The following RUNX1 variants were observed in gnomAD, a reference collection of about 807,000 sequenced individuals.
The protein encoded by RUNX1 is RUNX family transcription factor 1.
In RUNX1, 19 loss-of-function variants were observed where a neutral mutation model predicts 42.8. That is an observed-to-expected ratio of 0.44 (90% CI 0.31 to 0.65). The LOEUF is 0.65. Among genes scored for constraint, RUNX1 ranks in the 30% least tolerant of loss-of-function variants. The pLI is 0.07. For missense variants in RUNX1, 528 were observed against 672.0 expected, an observed-to-expected ratio of 0.79 and a Z score of 2.37; for synonymous variants, 271 against 289.4, an observed-to-expected ratio of 0.94 and a Z score of 0.64.
chr21:34,857,401 G>GT (rs918769683), intron 6 of RUNX1, among the ~76,000 whole-genome samples: 21 of 152,280 alleles, frequency 1.4e-4, no homozygotes, highest in African/African-American at 5.1e-4. Flanking sequence ...GCCACCATTT[G>GT]TTTTCTGAAG....
chr21:34,970,990 T>C (rs762781619), intron 2 of RUNX1, among the ~76,000 whole-genome samples: 36 of 152,328 alleles, frequency 2.4e-4, no homozygotes, highest in East Asian at 5.8e-4. Context: ...CTATCGCCCA[T>C]TTGATCCTCA....
chr21:34,910,788 CTT>C (rs113766536), intron 2 of RUNX1, among the ~76,000 whole-genome samples: 1 of 146,912 alleles, frequency 6.8e-6, no homozygotes, highest in African/African-American at 2.5e-5. Context: ...TATTGTTGTT[CTT>C]TTTTTTTTTG....
At chr21:34,849,437 A>C (rs2057382662) in intron 6 of RUNX1, among the ~76,000 whole-genome samples, 1 of 73,106 alleles carries the variant, frequency 1.4e-5, no homozygotes, top group South Asian at 3.5e-4. Context: ...TATATATTAT[A>C]TATATACTAT....
intron 2 of RUNX1, among the ~76,000 whole-genome samples, chr21:35,019,179 C>T (rs1283197296): frequency 6.6e-6 from 1 of 152,234 alleles, no homozygotes; most frequent in Non-Finnish European, 1.5e-5. Flanking sequence ...GTGATCCACT[C>T]ATCGTCCTCA....
chr21:34,796,838 A>G (rs1157616057), intron 8 of RUNX1, among the ~76,000 whole-genome samples: 2 of 151,968 alleles, frequency 1.3e-5, no homozygotes, highest in Non-Finnish European at 2.9e-5. Flanking sequence ...CTAGATGACA[A>G]CTCTTTTCAG....
At chr21:35,036,359 C>T (rs958725908) in intron 2 of RUNX1, among the ~76,000 whole-genome samples, 17 of 152,074 alleles carry the variant, frequency 1.1e-4, no homozygotes, top group Admixed American at 2.6e-4. Flanking sequence ...GCAGAGCAGC[C>T]GTGAGAGGCT....
intron 7 of RUNX1, among the ~76,000 whole-genome samples, chr21:34,832,109 T>C (rs1212177352): frequency 1.3e-5 from 2 of 152,210 alleles, no homozygotes; most frequent in Non-Finnish European, 2.9e-5. Flanking sequence ...GAGTTATGAT[T>C]TCTTAAATGT....
chr21:35,036,572 GA>G (rs1423799048), intron 2 of RUNX1, among the ~76,000 whole-genome samples: 7 of 152,124 alleles, frequency 4.6e-5, no homozygotes, highest in African/African-American at 1.7e-4. Flanking sequence ...GGTGAAGGGG[GA>G]AAAGAAGGGG....
chr21:35,000,491 C>T (rs1254726404), intron 2 of RUNX1, among the ~76,000 whole-genome samples: 10 of 152,072 alleles, frequency 6.6e-5, no homozygotes, highest in East Asian at 1.9e-4. Context: ...CTGCCCACCT[C>T]GGCCTCCCAA....
chr21:34,789,886 T>C lies in RUNX1; in HGVS notation c.*2249A>G, dbSNP rs953304149. Reference sequence around the variant, plus strand: ...AAACTGAAAAACATAATTTTTTCCTTCATTTTTCTCCAGCATTTTTGCAGG... The same window carrying C: ...AAACTGAAAAACATAATTTTTTCCTCCATTTTTCTCCAGCATTTTTGCAGG... On this transcript the variant is annotated 3_prime_UTR_variant, in exon 9 of 9. Transcript: ENST00000675419. 1 of 233,152 alleles carries C rather than the reference T, an allele frequency of 4.3e-6. No individual in the cohort carries two copies. The highest frequency in any genetic ancestry group is 2.2e-5 in the African/African-American group (1 of 45,344). 14.4% of individuals were successfully genotyped at this position (233,152 alleles called of 1,614,324 possible).
intron 7 of RUNX1, among the ~76,000 whole-genome samples, chr21:34,806,331 AGC>A (rs2056679177): frequency 6.6e-6 from 1 of 152,218 alleles, no homozygotes; most frequent in South Asian, 2.1e-4. Context: ...AAGCCAGAGC[AGC>A]GATGTTAATT....
chr21:34,906,385 G>A (rs1452813514), intron 2 of RUNX1, among the ~76,000 whole-genome samples: 1 of 152,180 alleles, frequency 6.6e-6, no homozygotes, highest in Non-Finnish European at 1.5e-5. Flanking sequence ...TGCTAATAGG[G>A]TTATAACAAC....
In RUNX1 at chr21:34,788,555, A is replaced by C. The variant is rs373937576; in HGVS notation, c.*3580T>G. 3.1e-4 allele frequency: 72 copies of C among 233,078 alleles called. No individual in the cohort carries two copies. The highest frequency in any genetic ancestry group is 2.2e-4 in the African/African-American group (10 of 45,328). The allele number at this position is 233,078 out of a possible 1,614,324, so 14.4% of individuals were successfully genotyped here. On this transcript the variant is annotated 3_prime_UTR_variant, in exon 9 of 9. Transcript: ENST00000675419. The stretch of plus-strand genomic sequence containing the variant: ...GAAAAAGTCCTTAGAAACACACACA[A>C]AAAAATTGAAAAAAAGTTATAGGCA...
intron 2 of RUNX1, among the ~76,000 whole-genome samples, chr21:34,975,006 T>A (rs1302041565): frequency 6.6e-6 from 1 of 152,058 alleles, no homozygotes; most frequent in Non-Finnish European, 1.5e-5. Flanking sequence ...ATTGCCCATA[T>A]GCTAAAAGAG....
chr21:34,928,967 G>T (rs1235029827), intron 2 of RUNX1, among the ~76,000 whole-genome samples: 1 of 148,764 alleles, frequency 6.7e-6, no homozygotes, highest in African/African-American at 2.5e-5. Context: ...TTTTTGGGGG[G>T]GGGGGTAGAT....
chr21:35,015,673 G>C (rs1356005326), intron 2 of RUNX1, among the ~76,000 whole-genome samples: 1 of 152,218 alleles, frequency 6.6e-6, no homozygotes, highest in African/African-American at 2.4e-5. Flanking sequence ...ATAGGAAGGA[G>C]GAAGCAAAGG....
At chr21:34,890,372 A>C (rs2058066828) in intron 3 of RUNX1, among the ~76,000 whole-genome samples, 1 of 152,126 alleles carries the variant, frequency 6.6e-6, no homozygotes, top group South Asian at 2.1e-4. Flanking sequence ...AGCCCACTTG[A>C]GCTGGAACGG....
Position 34,844,588 on chromosome 21 carries a change from GA to G in RUNX1, c.614-9988del, listed in dbSNP as rs1375853183. On this transcript the variant is annotated intron_variant, in intron 6 of 8. Coordinates refer to ENST00000675419, the MANE Select transcript of RUNX1 (RefSeq NM_001754.5). ...ATAAATGCTGGACAAATAAATGAATGAGTGAGTGAGTGAATGAATGAATGAG... is the reference window on the plus strand; with the variant it reads ...ATAAATGCTGGACAAATAAATGAATGGTGAGTGAGTGAATGAATGAATGAG... 2.7e-5 allele frequency among the ~76,000 whole-genome samples: 3 copies of G among 109,878 alleles called. No homozygotes were observed. In the Admixed American group the frequency reaches 3.6e-4, roughly 13 times the overall value. 72.1% of individuals were successfully genotyped at this position (109,878 alleles called of 152,430 possible).
intron 2 of RUNX1, among the ~76,000 whole-genome samples, chr21:34,969,754 A>G (rs1287610075): frequency 6.6e-6 from 1 of 150,960 alleles, no homozygotes; most frequent in East Asian, 2.0e-4. Flanking sequence ...ACAGCGCTTT[A>G]TCAGTTAAAG....
Sources: gnomAD v4.1 joint callset for allele counts (sites outside exome capture counted in the v4.1 genomes callset) on GRCh38, gnomAD v4.1.1 for gene constraint, MANE v1.5 for transcripts, NCBI Gene and HGNC (gene_info 2026-07-23, HGNC 2026-07-21) for gene names.